Variants in SGCZ observed in about 807,000 individuals in gnomAD.
SGCZ encodes the protein sarcoglycan zeta.
A neutral mutation model predicts 41.3 loss-of-function variants in SGCZ; 40 were observed. The ratio of observed to expected loss-of-function variants is 0.97; its 90% confidence interval spans 0.75 to 1.26. The LOEUF (loss-of-function observed/expected upper bound fraction) is 1.26. Ranked by LOEUF, SGCZ falls within the 50% of genes most tolerant of loss-of-function variation. The pLI, the probability that SGCZ is intolerant of heterozygous loss-of-function variation, is 0.00. For synonymous variants in SGCZ, 206 were observed against 137.5 expected (o/e 1.50, Z -3.49); for missense variants, 552 against 369.8 (o/e 1.49, Z -4.04).
intron 1 of SGCZ, among the ~76,000 whole-genome samples, chr8:14,621,351 G>A (rs556860332): frequency 5.7e-4 from 86 of 151,620 alleles, no homozygotes; most frequent in African/African-American, 1.7e-3. Context: ...ACAAGTTAAC[G>A]GGTGCAGCAC....
intron 1 of SGCZ, among the ~76,000 whole-genome samples, chr8:15,031,513 G>A (rs1585491998): frequency 2.0e-5 from 3 of 152,230 alleles, no homozygotes; most frequent in South Asian, 4.1e-4. Context: ...ACCCCTGAAG[G>A]ACTTTACATG....
At position 15,062,780 on chromosome 8, in the gene SGCZ, C is replaced by A. The variant is rs146797693; in HGVS notation, c.39+174805G>T. The stretch of plus-strand genomic sequence containing the variant: ...ATTATCAAGATGGATTTGTTAAACC[C>A]TTTTTACAGTCTTACGTATAGTAAA... On this transcript the variant is annotated intron_variant, in intron 1 of 7. Transcript: ENST00000382080. 7.7e-3 allele frequency among the ~76,000 whole-genome samples: 1,168 copies of A among 152,226 alleles called. 28 individuals carry two copies. The highest frequency in any genetic ancestry group is 0.063 in the East Asian group (327 of 5,186).
intron 2 of SGCZ, among the ~76,000 whole-genome samples, chr8:14,353,174 C>CAAGAA (rs113608932): frequency 6.6e-6 from 1 of 151,950 alleles, no homozygotes; most frequent in African/African-American, 2.4e-5. Flanking sequence ...AAAATACCAT[C>CAAGAA]TGTTCCTCTT....
chr8:14,132,281 C>T (rs146000007), intron 5 of SGCZ, among the ~76,000 whole-genome samples: 2 of 152,124 alleles, frequency 1.3e-5, no homozygotes, highest in African/African-American at 4.8e-5. Context: ...ATGTTAAATA[C>T]CAGCATTTCA....
intron 1 of SGCZ, among the ~76,000 whole-genome samples, chr8:14,882,535 A>C (rs2130725937): frequency 6.6e-6 from 1 of 152,294 alleles, no homozygotes; most frequent in Admixed American, 6.5e-5. Context: ...TATGTAATAA[A>C]GATATTTTTA....
intron 1 of SGCZ, among the ~76,000 whole-genome samples, chr8:15,029,804 C>A (rs960372561): frequency 2.0e-5 from 3 of 152,136 alleles, no homozygotes; most frequent in African/African-American, 7.2e-5. Context: ...TATTTCAACA[C>A]AGCAAAGCTA....
intron 1 of SGCZ, among the ~76,000 whole-genome samples, chr8:14,760,866 A>C (rs190261004): frequency 3.3e-5 from 5 of 152,032 alleles, no homozygotes; most frequent in Admixed American, 3.3e-4. Flanking sequence ...TTCCTTTTTC[A>C]TGTGTGTGAA....
intron 5 of SGCZ, among the ~76,000 whole-genome samples, chr8:14,150,571 G>A (rs1803669543): frequency 6.6e-6 from 1 of 152,120 alleles, no homozygotes; most frequent in African/African-American, 2.4e-5. Flanking sequence ...TACTATTGGA[G>A]GGAATGTAAA....
At chr8:15,237,150 G>A (rs2117222466) in intron 1 of SGCZ, among the ~76,000 whole-genome samples, 1 of 152,346 alleles carries the variant, frequency 6.6e-6, no homozygotes, top group South Asian at 2.1e-4. Flanking sequence ...GCCGGGCTGG[G>A]GCACAGGCGG....
chr8:15,108,176 G>C (rs1585569776), intron 1 of SGCZ, among the ~76,000 whole-genome samples: 1 of 151,906 alleles, frequency 6.6e-6, no homozygotes, highest in Non-Finnish European at 1.5e-5. Flanking sequence ...CGTTAATTTT[G>C]CTGCTCTTTT....
At chr8:14,496,868 AT>A (rs1256811539) in intron 2 of SGCZ, among the ~76,000 whole-genome samples, 1 of 152,148 alleles carries the variant, frequency 6.6e-6, no homozygotes, top group African/African-American at 2.4e-5. Context: ...GAGTATTATG[AT>A]ATACATCTAT....
intron 5 of SGCZ, among the ~76,000 whole-genome samples, chr8:14,147,360 G>C (rs1053907670): frequency 9.2e-5 from 14 of 151,902 alleles, no homozygotes; most frequent in African/African-American, 3.4e-4. Context: ...TGAAAAGAAA[G>C]GTATGGAAAA....
intron 1 of SGCZ, among the ~76,000 whole-genome samples, chr8:15,195,990 CG>C (rs1179123343): frequency 1.5e-5 from 2 of 130,942 alleles, no homozygotes; most frequent in African/African-American, 5.8e-5. Flanking sequence ...CTCCGCCTCC[CG>C]GGTTCACGCC....
At chr8:14,849,985 T>C (rs1803257493) in intron 1 of SGCZ, among the ~76,000 whole-genome samples, 1 of 152,176 alleles carries the variant, frequency 6.6e-6, no homozygotes, top group Non-Finnish European at 1.5e-5. Flanking sequence ...TACATAGGCA[T>C]TGAGAACAGA....
intron 3 of SGCZ, among the ~76,000 whole-genome samples, chr8:14,263,695 C>T (rs1033275381): frequency 6.6e-5 from 10 of 152,106 alleles, no homozygotes; most frequent in African/African-American, 2.2e-4. Flanking sequence ...ATTCAAGTGC[C>T]AAGGTACCCT....
rs796778411 is a variant in SGCZ, at chr8:14,933,212, A to C, written c.39+304373T>G. ...CAATTCACCCATGTAACAAATCTGC[A>C]TATGTACCTCCTAAACCTAAAATAA... On this transcript the variant is annotated intron_variant, in intron 1 of 7. Coordinates refer to ENST00000382080, the MANE Select transcript of SGCZ (RefSeq NM_139167.4). 8.5e-5 allele frequency among the ~76,000 whole-genome samples: 13 copies of C among 152,054 alleles called. 1 individual carries two copies. Among genetic ancestry groups the C allele is most frequent in the African/African-American group, 3.1e-4 (13 of 41,348 alleles).
chr8:15,159,258 G>A (rs959691560), intron 1 of SGCZ, among the ~76,000 whole-genome samples: 11 of 152,150 alleles, frequency 7.2e-5, no homozygotes, highest in African/African-American at 2.7e-4. Flanking sequence ...AGCAGGCATG[G>A]GAGCTCACCA....
At chr8:14,579,544 TG>T (rs1245238566) in intron 1 of SGCZ, among the ~76,000 whole-genome samples, 1 of 152,200 alleles carries the variant, frequency 6.6e-6, no homozygotes, top group Non-Finnish European at 1.5e-5. Flanking sequence ...ATTAAACTGT[TG>T]GGGAAATTTT....
At chr8:14,444,505 C>G (rs1800372720) in intron 2 of SGCZ, among the ~76,000 whole-genome samples, 1 of 152,048 alleles carries the variant, frequency 6.6e-6, no homozygotes, top group Non-Finnish European at 1.5e-5. Flanking sequence ...AGTTCATGTC[C>G]TTTGTAGGAA....
Sources: gnomAD v4.1 joint callset for allele counts (sites outside exome capture counted in the v4.1 genomes callset) on GRCh38, gnomAD v4.1.1 for gene constraint, MANE v1.5 for transcripts, NCBI Gene and HGNC (gene_info 2026-07-23, HGNC 2026-07-21) for gene names.